Variants in CTNNA2 observed in about 807,000 individuals in gnomAD.
CTNNA2 encodes the protein catenin alpha-2.
A neutral mutation model predicts 101.0 loss-of-function variants in CTNNA2; 42 were observed. The observed-to-expected ratio is 0.42, with a 90% CI of 0.32 to 0.54. The LOEUF is 0.54. Ranked by LOEUF, CTNNA2 falls within the 20% of genes least tolerant of loss-of-function variation. The pLI, the probability that CTNNA2 is intolerant of heterozygous loss-of-function variation, is 0.14. For synonymous variants in CTNNA2, 450 were observed against 456.4 expected, an observed-to-expected ratio of 0.99 and a Z score of 0.18; for missense variants, 871 against 1,223.1, an observed-to-expected ratio of 0.71 and a Z score of 4.29.
In CTNNA2 at chr2:79,242,997, C is replaced by CACACACACACACACAT. The variant is rs1237852073; in HGVS notation, c.-406+44936_-406+44937insTACACACACACACACA. On this transcript the variant is annotated intron_variant, in intron 2 of 21. Transcript: ENST00000466387. ...ATATATATATATATATATATATACA[C>CACACACACACACACAT]ACACACACACACACACACACACACA... 3.8e-3 allele frequency among the ~76,000 whole-genome samples: 365 copies of CACACACACACACACAT among 95,952 alleles called. 4 individuals are homozygous for CACACACACACACACAT. Among genetic ancestry groups the CACACACACACACACAT allele is most frequent in the South Asian group, 0.011 (29 of 2,554 alleles). 62.9% of individuals were successfully genotyped at this position (95,952 alleles called of 152,430 possible).
At position 79,763,856 on chromosome 2, in the gene CTNNA2, G is replaced by A. The variant is rs1004010726; in HGVS notation, c.298+19274G>A. On this transcript the variant is annotated intron_variant, in intron 3 of 18. Transcript: ENST00000402739. ...AGGACATAGATTTTCAGGTATGATA[G>A]TCTTTCTTCTGTGCTGTTTAATACG... 1.4e-4 allele frequency among the ~76,000 whole-genome samples: 21 copies of A among 152,224 alleles called. 1 individual carries two copies. The highest frequency in any genetic ancestry group is 4.8e-4 in the African/African-American group (20 of 41,456).
chr2:79,459,239 A>C (rs949649744), intron 4 of CTNNA2, among the ~76,000 whole-genome samples: 7 of 152,168 alleles, frequency 4.6e-5, no homozygotes, highest in African/African-American at 1.7e-4. Context: ...CATTGCAAAT[A>C]AAAATAACTT....
chr2:79,670,361 G>T (rs571270556), intron 2 of CTNNA2, among the ~76,000 whole-genome samples: 11 of 152,170 alleles, frequency 7.2e-5, no homozygotes, highest in Admixed American at 3.3e-4. Context: ...CCGCCCTCCT[G>T]GGTAGGGCTC....
At position 79,616,906 on chromosome 2, in the gene CTNNA2, T is replaced by G. The variant is rs528980549; in HGVS notation, c.-5-34646T>G. 2.0e-5 allele frequency among the ~76,000 whole-genome samples: 3 copies of G among 151,112 alleles called. No individual in the cohort carries two copies. The East Asian group carries it at 5.9e-4, about 30-fold the overall frequency. The stretch of plus-strand genomic sequence containing the variant: ...CCAATAATATTTAATATTTTCTTTC[T>G]TTCTTTTTTTTTCGAGACACAGTCT... On this transcript the variant is annotated intron_variant, in intron 1 of 18. Transcript: ENST00000402739.
At chr2:80,448,863 C>T (rs1312443198) in intron 9 of CTNNA2, among the ~76,000 whole-genome samples, 2 of 152,090 alleles carry the variant, frequency 1.3e-5, no homozygotes, top group Non-Finnish European at 2.9e-5. Context: ...TTCATTTCCC[C>T]AGCTCTCCTT....
At chr2:79,920,460 G>A (rs992599362) in intron 7 of CTNNA2, among the ~76,000 whole-genome samples, 1 of 152,134 alleles carries the variant, frequency 6.6e-6, no homozygotes, top group Non-Finnish European at 1.5e-5. Context: ...CCAGTATCTG[G>A]TGTATTTGGC....
chr2:79,532,625 G>A (rs1672813202), intron 1 of CTNNA2, among the ~76,000 whole-genome samples: 1 of 151,984 alleles, frequency 6.6e-6, no homozygotes, highest in Non-Finnish European at 1.5e-5. Context: ...ATTTTTGAAT[G>A]ACATATTTTG....
At chr2:80,306,428 CTTTCTTTCTTTCTTTCTT>C (rs1677002397) in intron 7 of CTNNA2, among the ~76,000 whole-genome samples, 2 of 142,072 alleles carry the variant, frequency 1.4e-5, no homozygotes, top group African/African-American at 5.3e-5. Context: ...TTCTTTCTTT[CTTTCTTTCTTTCTTTCTT>C]TCTTTCTCTC....
At chr2:79,945,288 G>A (rs1688420871) in intron 7 of CTNNA2, among the ~76,000 whole-genome samples, 2 of 152,030 alleles carry the variant, frequency 1.3e-5, no homozygotes, top group African/African-American at 2.4e-5. Flanking sequence ...CAATCCTCCC[G>A]CCTTGACCTC....
At chr2:79,220,664 A>G (rs1674330448) in intron 2 of CTNNA2, among the ~76,000 whole-genome samples, 1 of 152,210 alleles carries the variant, frequency 6.6e-6, no homozygotes, top group African/African-American at 2.4e-5. Context: ...AGAAAACCTT[A>G]AAGGTTGGCC....
chr2:79,190,598 A>G (rs1673841144), intron 1 of CTNNA2, among the ~76,000 whole-genome samples: 2 of 152,126 alleles, frequency 1.3e-5, no homozygotes, highest in African/African-American at 4.8e-5. Flanking sequence ...AGATTTTTCT[A>G]AGTCTACTTT....
intron 7 of CTNNA2, among the ~76,000 whole-genome samples, chr2:80,289,907 C>G (rs1675091613): frequency 6.6e-6 from 1 of 152,104 alleles, no homozygotes; most frequent in African/African-American, 2.4e-5. Context: ...CAGCAGTGAC[C>G]AAGAGCAGGA....
At chr2:79,930,916 A>C (rs897144117) in intron 7 of CTNNA2, among the ~76,000 whole-genome samples, 1 of 152,364 alleles carries the variant, frequency 6.6e-6, no homozygotes, top group Middle Eastern at 3.4e-3. Flanking sequence ...AGTATGAAGC[A>C]GATTTTAGAG....
chr2:79,636,870 T>G (rs1371944793), intron 1 of CTNNA2: 1 of 152,188 alleles, frequency 6.6e-6, no homozygotes, highest in Non-Finnish European at 1.5e-5. Context: ...ATAAAAATAT[T>G]GGATGCTGCA....
chr2:79,707,031 A>T (rs1027377207), intron 2 of CTNNA2, among the ~76,000 whole-genome samples: 2 of 152,196 alleles, frequency 1.3e-5, no homozygotes, highest in Non-Finnish European at 2.9e-5. Context: ...TTTGTATGTT[A>T]TAAAACACAG....
chr2:79,914,562 T>C (rs1043206689), intron 7 of CTNNA2, among the ~76,000 whole-genome samples: 6 of 152,202 alleles, frequency 3.9e-5, no homozygotes, highest in Admixed American at 3.9e-4. Flanking sequence ...CAATTTTATA[T>C]GCATAAACTC....
Position 79,909,455 on chromosome 2 carries a change from A to G in CTNNA2, c.853-139A>G, listed in dbSNP as rs1258383283. 5 of 611,846 alleles carry G rather than the reference A, an allele frequency of 8.2e-6. No homozygotes were observed. In the African/African-American group the frequency reaches 9.4e-5, roughly 11 times the overall value. The allele number at this position is 611,846 out of a possible 1,614,324, so 37.9% of individuals were successfully genotyped here. A position where few individuals can be genotyped will look rare whatever the true frequency, so the allele number is the denominator to read the frequency against. Reference sequence around the variant, plus strand: ...AAAAAGTTAATACTTTGTCAAGGCAACTTTAGAATTTGAGTAACCAGTTTC... The same window carrying G: ...AAAAAGTTAATACTTTGTCAAGGCAGCTTTAGAATTTGAGTAACCAGTTTC... On this transcript the variant is annotated intron_variant, in intron 6 of 18. Coordinates refer to ENST00000402739, the MANE Select transcript of CTNNA2 (RefSeq NM_001282597.3).
At chr2:80,175,309 C>T (rs1487711855) in intron 7 of CTNNA2, among the ~76,000 whole-genome samples, 1 of 152,142 alleles carries the variant, frequency 6.6e-6, no homozygotes, top group Non-Finnish European at 1.5e-5. Context: ...TTTTCAGAGT[C>T]AAATGTTATA....
At chr2:80,024,281 C>A (rs2104131627) in intron 7 of CTNNA2, among the ~76,000 whole-genome samples, 1 of 152,158 alleles carries the variant, frequency 6.6e-6, no homozygotes, top group Non-Finnish European at 1.5e-5. Context: ...ATAAATAAGA[C>A]TTTTCAATAA....
Sources: allele counts gnomAD v4.1 joint callset (sites outside exome capture counted in the v4.1 genomes callset), GRCh38; gene constraint gnomAD v4.1.1; transcripts MANE v1.5; gene names NCBI Gene and HGNC (gene_info 2026-07-23, HGNC 2026-07-21).